The following PTPRK variants were observed in gnomAD, a reference collection of about 807,000 sequenced individuals.
The protein encoded by PTPRK is receptor-type tyrosine-protein phosphatase kappa.
In PTPRK, 75 loss-of-function variants were observed where a neutral mutation model predicts 178.0. The observed-to-expected ratio is 0.42, with a 90% confidence interval of 0.35 to 0.51. The LOEUF (loss-of-function observed/expected upper bound fraction) is 0.51. Ranked by LOEUF, PTPRK falls within the 20% of genes least tolerant of loss-of-function variation. The pLI, the probability that PTPRK is intolerant of heterozygous loss-of-function variation, is 0.02. For synonymous variants in PTPRK, 637 were observed against 620.6 expected, an observed-to-expected ratio of 1.03 and a Z score of -0.39; for missense variants, 1,441 against 1,797.8, an observed-to-expected ratio of 0.80 and a Z score of 3.59.
chr6:128,388,173 GA>G (rs1839034837), intron 2 of PTPRK, among the ~76,000 whole-genome samples: 1 of 152,112 alleles, frequency 6.6e-6, no homozygotes. Context: ...CTATATCAAA[GA>G]GTATCCCAGG....
rs1039364948 is a variant in PTPRK at position 128,402,225 on chromosome 6, G to C, written c.101-4537C>G. ...ATTCCCAGAAAAACACCTTACAGAA[G>C]TATAGAAATTAATGGTTTTGTTTGT... On this transcript the variant is annotated intron_variant, in intron 1 of 29. Coordinates refer to ENST00000368226, the MANE Select transcript of PTPRK (RefSeq NM_002844.4). Among the ~76,000 whole-genome samples the C allele has an allele frequency of 2.1e-5, 3 of 139,816 alleles. No individual in the cohort carries two copies. In the South Asian group the frequency reaches 7.5e-4, roughly 35 times the overall value. The allele number at this position is 139,816 out of a possible 152,430, so 91.7% of individuals were successfully genotyped here. A position where few individuals can be genotyped will look rare whatever the true frequency, so the allele number is the denominator to read the frequency against.
intron 7 of PTPRK, among the ~76,000 whole-genome samples, chr6:128,109,909 G>C (rs181436915): frequency 2.8e-5 from 4 of 143,806 alleles, no homozygotes; most frequent in Admixed American, 6.9e-5. Context: ...CTACTTTTTT[G>C]GGGGGGGAGG....
At chr6:128,264,474 A>G (rs1452901548) in intron 3 of PTPRK, among the ~76,000 whole-genome samples, 1 of 152,070 alleles carries the variant, frequency 6.6e-6, no homozygotes, top group Non-Finnish European at 1.5e-5. Flanking sequence ...TAGTTTACAA[A>G]GTATTTTTAA....
chr6:128,381,773 A>T (rs1837945501), intron 2 of PTPRK, among the ~76,000 whole-genome samples: 1 of 152,200 alleles, frequency 6.6e-6, no homozygotes, highest in African/African-American at 2.4e-5. Context: ...TAAAACCTAG[A>T]TTTAAATTCA....
intron 1 of PTPRK, among the ~76,000 whole-genome samples, chr6:128,441,020 G>C (rs1175811395): frequency 1.3e-5 from 2 of 152,018 alleles, no homozygotes; most frequent in African/African-American, 4.8e-5. Flanking sequence ...CCAAACAACA[G>C]CATATAAGAA....
At chr6:128,506,401 T>C (rs534069310) in intron 1 of PTPRK, among the ~76,000 whole-genome samples, 1 of 152,254 alleles carries the variant, frequency 6.6e-6, no homozygotes, top group African/African-American at 2.4e-5. Context: ...GGCCAAAAAC[T>C]TCCCACCTCC....
rs770579658 is a variant in PTPRK, at chr6:127,982,809, A to G, written c.3537+22T>C. The G allele has an allele frequency of 2.0e-5, 31 of 1,587,672 alleles. No individual in the cohort carries two copies. In the Admixed American group the frequency reaches 5.5e-4, roughly 28 times the overall value. On this transcript the variant is annotated intron_variant, in intron 24 of 29. Coordinates refer to ENST00000368226, the MANE Select transcript of PTPRK (RefSeq NM_002844.4). ...AACAAATTGTAGTAAGTCACAAAAG[A>G]GGTTTTAGAAATAGTTAATACCTGA... is the stretch of plus-strand genomic sequence containing the variant.
intron 1 of PTPRK, among the ~76,000 whole-genome samples, chr6:128,426,840 G>C (rs1468371882): frequency 6.6e-6 from 1 of 152,112 alleles, no homozygotes; most frequent in Non-Finnish European, 1.5e-5. Flanking sequence ...CCTACTGCAA[G>C]TAAAAACTAC....
rs185945344 is a variant in PTPRK at position 128,124,842 on chromosome 6, C to A, written c.1163-34850G>T. Among the ~76,000 whole-genome samples the A allele has an allele frequency of 2.6e-3, 401 of 152,310 alleles. 1 individual carries two copies. Among genetic ancestry groups the A allele is most frequent in the African/African-American group, 9.1e-3 (379 of 41,560 alleles). ...GACTGCCTTCAGATTTTATCTGCAA[C>A]ATTTGCCCTTAAAAATTCATTTGCA... On this transcript the variant is annotated intron_variant, in intron 7 of 29. Coordinates refer to ENST00000368226, the MANE Select transcript of PTPRK (RefSeq NM_002844.4).
intron 13 of PTPRK, among the ~76,000 whole-genome samples, chr6:128,063,681 T>A (rs1162986588): frequency 1.3e-5 from 2 of 152,222 alleles, no homozygotes; most frequent in East Asian, 1.9e-4. Context: ...ATTGCTTTTT[T>A]AAATAAAAAC....
chr6:128,103,969 C>T (rs1050739034), intron 7 of PTPRK, among the ~76,000 whole-genome samples: 1 of 152,160 alleles, frequency 6.6e-6, no homozygotes, highest in Admixed American at 6.5e-5. Flanking sequence ...TACTACTCAG[C>T]CTTGCTTGCT....
At chr6:128,155,266 G>A (rs956240691) in intron 7 of PTPRK, among the ~76,000 whole-genome samples, 1 of 151,492 alleles carries the variant, frequency 6.6e-6, no homozygotes, top group Non-Finnish European at 1.5e-5. Context: ...CTATTAGGAG[G>A]CTCAGAATAT....
At chr6:128,500,436 C>A (rs1002050216) in intron 1 of PTPRK, 2 of 152,060 alleles carry the variant, frequency 1.3e-5, no homozygotes, top group African/African-American at 4.8e-5. Context: ...TTACAATTTA[C>A]CCAGCATAAT....
intron 28 of PTPRK, 29 bp downstream of exon 28, chr6:127,973,635 T>C (rs1332000252): frequency 2.5e-6 from 4 of 1,609,200 alleles, no homozygotes; most frequent in South Asian, 1.1e-5. Context: ...CAAGGCCCCA[T>C]GAATGACAGG....
chr6:128,123,987 A>AGTAGTCTTTT (rs1049009421), intron 7 of PTPRK, among the ~76,000 whole-genome samples: 8 of 151,972 alleles, frequency 5.3e-5, no homozygotes, highest in Non-Finnish European at 8.8e-5. Flanking sequence ...ACCTGGCTGA[A>AGTAGTCTTTT]GTAGTCTTTT....
chr6:128,343,530 A>G (rs1395382633), intron 2 of PTPRK, among the ~76,000 whole-genome samples: 1 of 151,754 alleles, frequency 6.6e-6, no homozygotes, highest in African/African-American at 2.4e-5. Context: ...AGAAAAAAGA[A>G]TCAATATTTT....
chr6:128,365,043 A>T lies in PTPRK; in HGVS notation c.223+32523T>A, dbSNP rs74917614. On this transcript the variant is annotated intron_variant, in intron 2 of 29. Transcript: ENST00000368226. ...ATTTAAGAATAGGTTTGTAACGTAGACTGTATCTGCATATATCTGAATAGA... is the reference window on the plus strand; with the variant it reads ...ATTTAAGAATAGGTTTGTAACGTAGTCTGTATCTGCATATATCTGAATAGA... Among the ~76,000 whole-genome samples the T allele has an allele frequency of 8.5e-3, 1,295 of 152,126 alleles. 5 individuals carry two copies. Among genetic ancestry groups the T allele is most frequent in the Non-Finnish European group, 0.014 (921 of 67,944 alleles).
intron 3 of PTPRK, among the ~76,000 whole-genome samples, chr6:128,306,690 G>A (rs754730536): frequency 1.3e-4 from 20 of 152,014 alleles, no homozygotes; most frequent in Non-Finnish European, 1.9e-4. Flanking sequence ...CCAGCCACTC[G>A]GGAGGCTGAG....
chr6:128,105,444 A>C (rs1421103218), intron 7 of PTPRK, among the ~76,000 whole-genome samples: 5 of 152,082 alleles, frequency 3.3e-5, no homozygotes, highest in African/African-American at 2.4e-5. Flanking sequence ...TACCTCACTT[A>C]TTTCTTATTC....
Sources: allele counts gnomAD v4.1 joint callset (sites outside exome capture counted in the v4.1 genomes callset), GRCh38; gene constraint gnomAD v4.1.1; transcripts MANE v1.5; gene names NCBI Gene and HGNC (gene_info 2026-07-23, HGNC 2026-07-21).